CHN1: variants seen among roughly 807,000 people sequenced by gnomAD.
The protein encoded by CHN1 is N-chimaerin.
In CHN1, 37 loss-of-function variants were observed where a neutral mutation model predicts 59.5. That is an observed-to-expected ratio of 0.62 (90% confidence interval 0.48 to 0.82). CHN1 has a LOEUF of 0.82. Ranked by LOEUF, CHN1 falls within the 40% of genes least tolerant of loss-of-function variation. CHN1 has a pLI of 0.00. For missense variants in CHN1, 469 were observed against 571.0 expected, an observed-to-expected ratio of 0.82 and a Z score of 1.82; for synonymous variants, 206 against 200.4, an observed-to-expected ratio of 1.03 and a Z score of -0.24.
Position 174,951,661 on chromosome 2 carries a change from T to C in CHN1, c.58+503A>G, listed in dbSNP as rs115999926. Among the ~76,000 whole-genome samples, 1,033 of 152,290 alleles carry C rather than the reference T, an allele frequency of 6.8e-3. 13 individuals carry two copies. The highest frequency in any genetic ancestry group is 0.024 in the African/African-American group (996 of 41,558). Reference sequence around the variant, plus strand: ...AACCCTAGATGTTTAAAAAGAAATATCCTAACGCAGTTTAAAGAGCAGCAT... The same window carrying C: ...AACCCTAGATGTTTAAAAAGAAATACCCTAACGCAGTTTAAAGAGCAGCAT... On this transcript the variant is annotated intron_variant, in intron 2 of 12. Coordinates refer to ENST00000409900, the MANE Select transcript of CHN1 (RefSeq NM_001822.7).
intron 11 of CHN1, among the ~76,000 whole-genome samples, chr2:174,804,319 G>T (rs1278139545): frequency 6.6e-6 from 1 of 151,978 alleles, no homozygotes; most frequent in Non-Finnish European, 1.5e-5. Context: ...TGAAGAGGGG[G>T]ATATTAGCAG....
At chr2:174,804,823 T>C (rs369899558) in intron 11 of CHN1, among the ~76,000 whole-genome samples, 35 of 152,346 alleles carry the variant, frequency 2.3e-4, no homozygotes, top group African/African-American at 8.2e-4. Flanking sequence ...CAAATGAACA[T>C]GCTGACTGTG....
chr2:174,820,681 T>TCA (rs1430747836), intron 8 of CHN1, among the ~76,000 whole-genome samples: 1 of 152,222 alleles, frequency 6.6e-6, no homozygotes, highest in Non-Finnish European at 1.5e-5. Context: ...TGCTGCTCCC[T>TCA]CAGTTGTCCT....
intron 8 of CHN1, among the ~76,000 whole-genome samples, chr2:174,813,942 T>C (rs1023269210): frequency 6.6e-6 from 1 of 152,254 alleles, no homozygotes; most frequent in Non-Finnish European, 1.5e-5. Context: ...CTGGTGATCA[T>C]TATCATGACT....
chr2:174,998,710 C>CT (rs1416070313), intron 1 of CHN1, among the ~76,000 whole-genome samples: 2 of 152,226 alleles, frequency 1.3e-5, no homozygotes, highest in Non-Finnish European at 2.9e-5. Context: ...CCAAGAAGTG[C>CT]TTACTTTTCT....
intron 5 of CHN1, among the ~76,000 whole-genome samples, chr2:174,887,168 T>C (rs949193323): frequency 6.6e-6 from 1 of 152,206 alleles, no homozygotes; most frequent in Non-Finnish European, 1.5e-5. Context: ...TAAATACAAC[T>C]AGACTAGGAT....
chr2:174,803,034 A>T (rs1014943379), intron 11 of CHN1, among the ~76,000 whole-genome samples: 6 of 152,042 alleles, frequency 3.9e-5, no homozygotes, highest in Middle Eastern at 6.3e-3. Flanking sequence ...GCAAGAATCC[A>T]TCTTGGGGGG....
At chr2:174,919,942 C>T (rs1688960467) in intron 3 of CHN1, among the ~76,000 whole-genome samples, 2 of 152,164 alleles carry the variant, frequency 1.3e-5, no homozygotes, top group Non-Finnish European at 2.9e-5. Context: ...ACCCCAACCA[C>T]GTTCTTTCCT....
chr2:174,988,599 T>C (rs188046977), intron 1 of CHN1, among the ~76,000 whole-genome samples: 3 of 152,292 alleles, frequency 2.0e-5, no homozygotes, highest in Admixed American at 2.0e-4. Flanking sequence ...CAGATAATAT[T>C]CTATGGCAGC....
chr2:174,826,490 A>G (rs1357059727), intron 7 of CHN1, among the ~76,000 whole-genome samples: 1 of 152,218 alleles, frequency 6.6e-6, no homozygotes, highest in Non-Finnish European at 1.5e-5. Context: ...GATAATCAGT[A>G]TCATTTACTT....
At chr2:174,872,824 G>A (rs1487177928) in intron 6 of CHN1, among the ~76,000 whole-genome samples, 1 of 152,100 alleles carries the variant, frequency 6.6e-6, no homozygotes, top group African/African-American at 2.4e-5. Flanking sequence ...CACCTGGTTG[G>A]GGACTACTCT....
At chr2:174,983,870 C>T (rs1691246521) in intron 1 of CHN1, among the ~76,000 whole-genome samples, 1 of 152,228 alleles carries the variant, frequency 6.6e-6, no homozygotes, top group African/African-American at 2.4e-5. Context: ...GCCAATCAGT[C>T]AGCCAACTGA....
intron 5 of CHN1, among the ~76,000 whole-genome samples, chr2:174,897,490 G>T (rs539906739): frequency 2.0e-5 from 3 of 148,716 alleles, no homozygotes; most frequent in Non-Finnish European, 4.4e-5. Context: ...GGTCTTAGAC[G>T]TGTTTGTTCT....
At chr2:174,814,661 AT>A (rs1273067245) in intron 8 of CHN1, among the ~76,000 whole-genome samples, 1 of 152,242 alleles carries the variant, frequency 6.6e-6, no homozygotes, top group Non-Finnish European at 1.5e-5. Context: ...TGTGTTCACC[AT>A]GACTATGTTG....
At position 175,004,814 on chromosome 2, in the gene CHN1, GCCCAGGCCC is replaced by G. The variant is rs940832163; in HGVS notation, c.19+71_19+79del. The G allele has an allele frequency of 1.5e-4, 136 of 917,858 alleles. 1 individual carries two copies. The highest frequency in any genetic ancestry group is 3.2e-4 in the East Asian group (6 of 18,850). The allele number at this position is 917,858 out of a possible 1,614,324, so 56.9% of individuals were successfully genotyped here. A position where few individuals can be genotyped will look rare whatever the true frequency, so the allele number is the denominator to read the frequency against. On this transcript the variant is annotated intron_variant, in intron 1 of 12. Coordinates refer to ENST00000409900, the MANE Select transcript of CHN1 (RefSeq NM_001822.7). ...CACGCGCCGCGCCCCCTCCCCGGGC[GCCCAGGCCC>G]CCCAGGCCCCCGCCCCCGAGCCCCG...
At chr2:174,895,488 G>A (rs1172438099) in intron 5 of CHN1, among the ~76,000 whole-genome samples, 1 of 151,974 alleles carries the variant, frequency 6.6e-6, no homozygotes, top group Non-Finnish European at 1.5e-5. Flanking sequence ...AAAAAGTTCT[G>A]GAGAGCTGTT....
intron 1 of CHN1, among the ~76,000 whole-genome samples, chr2:174,953,807 G>A (rs552060971): frequency 6.6e-6 from 1 of 152,234 alleles, no homozygotes; most frequent in South Asian, 2.1e-4. Flanking sequence ...ACAAACAAAT[G>A]GAAACACATC....
chr2:174,879,206 C>T (rs556848445), intron 5 of CHN1, among the ~76,000 whole-genome samples: 129 of 152,224 alleles, frequency 8.5e-4, no homozygotes, highest in Middle Eastern at 3.4e-3. Flanking sequence ...GGACTATAAA[C>T]TTGTTATATA....
At chr2:174,893,938 C>T (rs1248895481) in intron 5 of CHN1, among the ~76,000 whole-genome samples, 1 of 152,066 alleles carries the variant, frequency 6.6e-6, no homozygotes, top group Admixed American at 6.6e-5. Flanking sequence ...AAGGAATCAT[C>T]TGTATACACC....
Sources: gnomAD v4.1 joint callset for allele counts (sites outside exome capture counted in the v4.1 genomes callset) on GRCh38, gnomAD v4.1.1 for gene constraint, MANE v1.5 for transcripts, NCBI Gene and HGNC (gene_info 2026-07-23, HGNC 2026-07-21) for gene names.